ZFHX3: variants seen among roughly 807,000 people sequenced by gnomAD.
The protein encoded by ZFHX3 is zinc finger homeobox protein 3.
Under a neutral mutation model 279.1 loss-of-function variants are expected in ZFHX3, and 42 were observed. That is an observed-to-expected ratio of 0.15 (90% CI 0.12 to 0.19). ZFHX3 has a LOEUF of 0.19. ZFHX3 is among the 10% of genes least tolerant of loss of function. ZFHX3 has a pLI of 1.00. For missense variants in ZFHX3, 4,981 were observed against 4,754.0 expected, an observed-to-expected ratio of 1.05 and a Z score of -1.40; for synonymous variants, 2,293 against 1,957.8, an observed-to-expected ratio of 1.17 and a Z score of -4.52.
intron 4 of ZFHX3, among the ~76,000 whole-genome samples, chr16:72,856,608 C>T (rs949009146): frequency 3.3e-5 from 5 of 152,162 alleles, no homozygotes; most frequent in Admixed American, 2.0e-4. Context: ...ACGTGTAGGT[C>T]CAAGGGCTTA....
intron 2 of ZFHX3, among the ~76,000 whole-genome samples, chr16:73,554,089 A>G (rs548571339): frequency 6.5e-4 from 99 of 152,252 alleles, no homozygotes; most frequent in South Asian, 1.4e-3. Context: ...TTCTTCGTCA[A>G]TGTGTTTAGT....
intron 3 of ZFHX3, among the ~76,000 whole-genome samples, chr16:72,924,225 G>C (rs1959315720): frequency 6.6e-6 from 1 of 152,172 alleles, no homozygotes; most frequent in Non-Finnish European, 1.5e-5. Flanking sequence ...CTTTAGATTT[G>C]ATGACGCTAT....
chr16:73,027,316 T>A (rs1964546894), intron 1 of ZFHX3, among the ~76,000 whole-genome samples: 1 of 152,156 alleles, frequency 6.6e-6, no homozygotes, highest in Non-Finnish European at 1.5e-5. Context: ...CAAACCGTGA[T>A]CATTCCCAGG....
intron 7 of ZFHX3, among the ~76,000 whole-genome samples, chr16:73,104,229 T>G (rs111565174): frequency 1.6e-5 from 2 of 127,034 alleles, no homozygotes; most frequent in African/African-American, 4.0e-5. Context: ...ATGTATTTAT[T>G]TATTTATTTT....
chr16:73,847,030 A>G (rs558798552), intron 1 of ZFHX3, among the ~76,000 whole-genome samples: 1 of 152,276 alleles, frequency 6.6e-6, no homozygotes, highest in East Asian at 1.9e-4. Context: ...GGCCAGGCAC[A>G]GTGGCTCACG....
chr16:72,848,284 T>C (rs76100953), intron 4 of ZFHX3, among the ~76,000 whole-genome samples: 7,655 of 152,166 alleles, frequency 0.05, 432 homozygotes, highest in African/African-American at 0.13. Context: ...TCGGAGCGCA[T>C]TGTACTGGGA....
At chr16:73,102,530 C>T (rs1008344364) in intron 7 of ZFHX3, among the ~76,000 whole-genome samples, 1 of 152,218 alleles carries the variant, frequency 6.6e-6, no homozygotes, top group African/African-American at 2.4e-5. Flanking sequence ...AGGCCCACTG[C>T]TGACATGTAG....
At chr16:73,048,714 G>A (rs113087763), upstream of ZFHX3, among the ~76,000 whole-genome samples, 24 of 152,362 alleles carry the variant, frequency 1.6e-4, no homozygotes, top group Non-Finnish European at 1.2e-4. Context: ...ATGTGGACAG[G>A]AATTTATTGG....
chr16:73,467,292 T>G (rs2018590451), intron 2 of ZFHX3, among the ~76,000 whole-genome samples: 1 of 149,278 alleles, frequency 6.7e-6, no homozygotes. Flanking sequence ...CTGTCTTACT[T>G]TGGTTGCCAC....
chr16:73,601,279 C>T (rs577209083), intron 2 of ZFHX3, among the ~76,000 whole-genome samples: 22 of 146,052 alleles, frequency 1.5e-4, no homozygotes, highest in African/African-American at 5.2e-4. Flanking sequence ...GGTGAAACCC[C>T]GTCTCTACTA....
At chr16:72,916,631 T>C (rs1271779981) in intron 3 of ZFHX3, among the ~76,000 whole-genome samples, 1 of 152,154 alleles carries the variant, frequency 6.6e-6, no homozygotes, top group Non-Finnish European at 1.5e-5. Context: ...ATGGAGACAG[T>C]TCTGTATGGC....
At chr16:73,058,041 C>T (rs1018467909) in intron 1 of ZFHX3, among the ~76,000 whole-genome samples, 4 of 145,956 alleles carry the variant, frequency 2.7e-5, no homozygotes, top group African/African-American at 9.9e-5. Context: ...ATACTCCCCC[C>T]ACCGCCGGCC....
upstream of ZFHX3, among the ~76,000 whole-genome samples, chr16:73,049,431 G>A (rs1965409056): frequency 6.6e-6 from 1 of 152,196 alleles, no homozygotes; most frequent in Non-Finnish European, 1.5e-5. Context: ...ACTGACTCGG[G>A]AGAAAAAGGG....
At position 73,462,074 on chromosome 16, in the gene ZFHX3, T is replaced by C. The variant is rs557196523; in HGVS notation, c.-1546-5816A>G. Among the ~76,000 whole-genome samples the C allele has an allele frequency of 2.6e-5, 4 of 152,340 alleles. No individual in the cohort carries two copies. The South Asian group carries it at 8.3e-4, about 32-fold the overall frequency. On this transcript the variant is annotated intron_variant, in intron 2 of 17. Transcript: ENST00000641206. ...TTTGCAGTTTTCAATATACAAGTCC[T>C]GTACATGTTTTGATAGATTTACACC... is the stretch of plus-strand genomic sequence containing the variant.
intron 2 of ZFHX3, among the ~76,000 whole-genome samples, chr16:73,602,732 G>C (rs558346393): frequency 6.6e-6 from 1 of 151,858 alleles, no homozygotes; most frequent in Non-Finnish European, 1.5e-5. Flanking sequence ...AGATCACGAG[G>C]TCAGGAGTTC....
chr16:73,085,985 C>CAAAAAAAAAAA (rs57128744), intron 8 of ZFHX3, among the ~76,000 whole-genome samples: 4 of 54,210 alleles, frequency 7.4e-5, no homozygotes, highest in African/African-American at 1.2e-4. Flanking sequence ...AACTCAATTG[C>CAAAAAAAAAAA]AAAAAAAAAA....
In ZFHX3 at chr16:73,640,022, T is replaced by C. The variant is rs1306870556; in HGVS notation, c.-1547+40158A>G. On this transcript the variant is annotated intron_variant, in intron 2 of 17. Coordinates refer to the ZFHX3 transcript ENST00000641206. ...TTCGTGGAAAGAGCATTTGGAGCTC[T>C]ACGTTCTCTCCTCCATCCCTCAAAG... is the stretch of plus-strand genomic sequence containing the variant. Among the ~76,000 whole-genome samples the C allele has an allele frequency of 5.9e-5, 9 of 152,316 alleles. 1 individual carries two copies. In the East Asian group the frequency reaches 1.7e-3, roughly 29 times the overall value.
intron 3 of ZFHX3, among the ~76,000 whole-genome samples, chr16:72,912,307 A>G (rs1357073092): frequency 6.6e-6 from 1 of 152,246 alleles, no homozygotes; most frequent in Non-Finnish European, 1.5e-5. Flanking sequence ...AGTTAATTAA[A>G]TTCTCAGATG....
At chr16:73,046,044 G>T (rs1216261134) in intron 1 of ZFHX3, among the ~76,000 whole-genome samples, 2 of 152,196 alleles carry the variant, frequency 1.3e-5, no homozygotes, top group Admixed American at 6.5e-5. Flanking sequence ...GAAACACCAT[G>T]AGGAGAACTC....
Sources: gnomAD v4.1 joint callset for allele counts (sites outside exome capture counted in the v4.1 genomes callset) on GRCh38, gnomAD v4.1.1 for gene constraint, MANE v1.5 for transcripts, NCBI Gene and HGNC (gene_info 2026-07-23, HGNC 2026-07-21) for gene names.